Variants in STX8 observed in about 807,000 individuals in gnomAD.
STX8 encodes the protein syntaxin-8.
STX8 carries 23 observed loss-of-function variants against 37.5 expected under a neutral mutation model. The ratio of observed to expected loss-of-function variants is 0.61; its 90% CI spans 0.44 to 0.87. STX8 has a LOEUF of 0.87. Among genes scored for constraint, STX8 ranks in the 40% least tolerant of loss-of-function variants. STX8 has a pLI of 0.00. For synonymous variants in STX8, 115 were observed against 99.1 expected (o/e 1.16, Z -0.95); for missense variants, 313 against 284.7 (o/e 1.10, Z -0.71).
chr17:9,378,722 G>T, intron 6 of STX8, 69 bp from the exon 7 acceptor site: 2 of 1,185,576 alleles, frequency 1.7e-6, no homozygotes, highest in Non-Finnish European at 2.5e-6. Context: ...TCACAGCTGT[G>T]GTTGTTCATC....
intron 6 of STX8, among the ~76,000 whole-genome samples, chr17:9,401,342 T>C (rs1177182735): frequency 6.6e-6 from 1 of 152,228 alleles, no homozygotes; most frequent in Non-Finnish European, 1.5e-5. Flanking sequence ...CGATTTCATA[T>C]AAATGAATAG....
At chr17:9,409,014 C>T (rs1037761226) in intron 6 of STX8, among the ~76,000 whole-genome samples, 2 of 151,950 alleles carry the variant, frequency 1.3e-5, no homozygotes, top group East Asian at 3.9e-4. Context: ...CTCCCTACCC[C>T]CCCTACTGCT....
intron 3 of STX8, chr17:9,554,358 G>T (rs921646199): frequency 6.6e-6 from 1 of 152,244 alleles, no homozygotes; most frequent in African/African-American, 2.4e-5. Flanking sequence ...GACTTTCGGT[G>T]TAAAGTTTAA....
intron 7 of STX8, among the ~76,000 whole-genome samples, chr17:9,334,379 G>C (rs536120176): frequency 5.3e-5 from 8 of 152,264 alleles, no homozygotes; most frequent in Admixed American, 5.2e-4. Context: ...ATTTTTTCTG[G>C]AAAAGAGCTA....
intron 6 of STX8, among the ~76,000 whole-genome samples, chr17:9,486,751 C>T (rs1405162643): frequency 1.3e-5 from 2 of 151,806 alleles, no homozygotes; most frequent in Admixed American, 6.6e-5. Flanking sequence ...CCCAGATACT[C>T]AGGAGGCTGA....
chr17:9,386,122 A>G (rs945526048), intron 6 of STX8, among the ~76,000 whole-genome samples: 6 of 143,646 alleles, frequency 4.2e-5, no homozygotes, highest in African/African-American at 1.6e-4. Flanking sequence ...AAAAAAAAAA[A>G]GCCTGTACAA....
chr17:9,561,743 T>C (rs2151916784), intron 2 of STX8, among the ~76,000 whole-genome samples: 1 of 152,172 alleles, frequency 6.6e-6, no homozygotes, highest in African/African-American at 2.4e-5. Context: ...AACATAGTAT[T>C]TTTACCTAGT....
intron 6 of STX8, among the ~76,000 whole-genome samples, chr17:9,462,238 C>T (rs941422195): frequency 2.6e-4 from 39 of 152,158 alleles, no homozygotes; most frequent in African/African-American, 8.2e-4. Flanking sequence ...AGAGGCCAAG[C>T]GCATGAGACC....
intron 6 of STX8, among the ~76,000 whole-genome samples, chr17:9,430,649 CTTTT>C (rs34803730): frequency 2.9e-4 from 35 of 120,892 alleles, no homozygotes; most frequent in African/African-American, 7.5e-4. Flanking sequence ...GTGGTTTTGG[CTTTT>C]TTTTTTTTTT....
intron 6 of STX8, among the ~76,000 whole-genome samples, chr17:9,471,637 G>A (rs1258511609): frequency 2.0e-5 from 3 of 152,104 alleles, no homozygotes; most frequent in Non-Finnish European, 4.4e-5. Flanking sequence ...GTGGGTACAT[G>A]CCAGACAGGG....
chr17:9,325,156 G>T (rs1041022448), intron 7 of STX8, among the ~76,000 whole-genome samples: 1 of 152,140 alleles, frequency 6.6e-6, no homozygotes, highest in Non-Finnish European at 1.5e-5. Context: ...AGGCTAGGCC[G>T]AGCTATGATG....
At chr17:9,557,633 G>C in intron 2 of STX8, 105 bp from the exon 3 acceptor site, 1 of 960,142 alleles carries the variant, frequency 1.0e-6, no homozygotes, top group Non-Finnish European at 1.6e-6. Flanking sequence ...AACCAAGCAA[G>C]GGCTGGAAGA....
At chr17:9,254,105 C>G (rs969700926) in intron 7 of STX8, among the ~76,000 whole-genome samples, 7 of 152,136 alleles carry the variant, frequency 4.6e-5, no homozygotes, top group African/African-American at 1.7e-4. Context: ...AAACTGAGAT[C>G]CAAACTTTAC....
chr17:9,286,812 G>A (rs752427879), intron 7 of STX8, among the ~76,000 whole-genome samples: 75 of 152,154 alleles, frequency 4.9e-4, no homozygotes, highest in Non-Finnish European at 5.6e-4. Flanking sequence ...CAGAGACTCA[G>A]AAAAAGGGTG....
chr17:9,469,889 T>C (rs183001316), intron 6 of STX8: 1 of 152,070 alleles, frequency 6.6e-6, no homozygotes, highest in Admixed American at 6.5e-5. Context: ...CCCAAGGGAG[T>C]ACAGAAACAC....
At chr17:9,250,667 T>C in intron 7 of STX8, 22 bp from the exon 8 acceptor site, 1 of 1,574,218 alleles carries the variant, frequency 6.4e-7, no homozygotes, top group South Asian at 1.2e-5. Flanking sequence ...CAGCAGAAAA[T>C]ACTACTTTTA....
intron 6 of STX8, among the ~76,000 whole-genome samples, chr17:9,423,595 A>T (rs550405987): frequency 4.6e-5 from 7 of 152,212 alleles, no homozygotes; most frequent in Non-Finnish European, 1.0e-4. Flanking sequence ...AAGTGCTGGG[A>T]TTACAGGTGA....
At chr17:9,347,796 C>G (rs1290085571) in intron 7 of STX8, among the ~76,000 whole-genome samples, 1 of 152,228 alleles carries the variant, frequency 6.6e-6, no homozygotes, top group Non-Finnish European at 1.5e-5. Flanking sequence ...CTCTCCATTT[C>G]TCCCAACTCC....
At chr17:9,510,217 C>T (rs1264685732) in intron 4 of STX8, among the ~76,000 whole-genome samples, 3 of 152,110 alleles carry the variant, frequency 2.0e-5, no homozygotes, top group Non-Finnish European at 4.4e-5. Flanking sequence ...CAGCATTGGA[C>T]AGATCATTCA....
Sources: gnomAD v4.1 joint callset for allele counts (sites outside exome capture counted in the v4.1 genomes callset) on GRCh38, gnomAD v4.1.1 for gene constraint, MANE v1.5 for transcripts, NCBI Gene and HGNC (gene_info 2026-07-23, HGNC 2026-07-21) for gene names.